SAMD12: variants seen among roughly 807,000 people sequenced by gnomAD.
SAMD12 encodes sterile alpha motif domain containing 12.
Under a neutral mutation model 15.0 loss-of-function variants are expected in SAMD12, and 9 were observed. That is an observed-to-expected ratio of 0.60 (90% CI 0.36 to 1.05). SAMD12 has a LOEUF of 1.05. Among genes scored for constraint, SAMD12 ranks in the 50% least tolerant of loss-of-function variants. SAMD12 has a pLI of 0.01. For missense variants in SAMD12, 230 were observed against 234.2 expected, an observed-to-expected ratio of 0.98 and a Z score of 0.12; for synonymous variants, 86 against 90.1, an observed-to-expected ratio of 0.96 and a Z score of 0.25.
At chr8:118,555,323 A>G (rs1464682673) in intron 2 of SAMD12, among the ~76,000 whole-genome samples, 1 of 152,006 alleles carries the variant, frequency 6.6e-6, no homozygotes, top group African/African-American at 2.4e-5. Flanking sequence ...CAACTAAAAC[A>G]CTCCTAGCCA....
chr8:118,401,162 C>T (rs1820849920), intron 3 of SAMD12, among the ~76,000 whole-genome samples: 1 of 152,150 alleles, frequency 6.6e-6, no homozygotes, highest in Non-Finnish European at 1.5e-5. Context: ...ACAAAGCATC[C>T]AGATCATTTC....
intron 1 of SAMD12, among the ~76,000 whole-genome samples, chr8:118,608,849 C>A (rs1398468856): frequency 6.6e-6 from 1 of 152,102 alleles, no homozygotes; most frequent in African/African-American, 2.4e-5. Flanking sequence ...TAAACAAAGA[C>A]AGGAGGGGTC....
chr8:118,542,130 A>T (rs7824995), intron 2 of SAMD12, among the ~76,000 whole-genome samples: 9,251 of 152,282 alleles, frequency 0.061, 337 homozygotes, highest in South Asian at 0.13. Flanking sequence ...GAATGAAAAA[A>T]CTATTAAGCC....
At chr8:118,407,191 G>A (rs1201127726) in intron 3 of SAMD12, among the ~76,000 whole-genome samples, 2 of 152,090 alleles carry the variant, frequency 1.3e-5, no homozygotes, top group Non-Finnish European at 2.9e-5. Context: ...ATTCAAGAAT[G>A]GGACTGATGG....
At chr8:118,520,526 G>T (rs757025750) in intron 2 of SAMD12, among the ~76,000 whole-genome samples, 12 of 152,178 alleles carry the variant, frequency 7.9e-5, no homozygotes, top group Non-Finnish European at 1.6e-4. Flanking sequence ...TATAGATGCT[G>T]ATACATTTCA....
chr8:118,289,034 C>G (rs1385228176), intron 4 of SAMD12, among the ~76,000 whole-genome samples: 1 of 152,196 alleles, frequency 6.6e-6, no homozygotes, highest in Non-Finnish European at 1.5e-5. Flanking sequence ...AATATATTAG[C>G]AAATCCTGGT....
In SAMD12 at chr8:118,379,396, A is replaced by G. The variant is rs1307790140; in HGVS notation, c.*21T>C. On this transcript the variant is annotated 3_prime_UTR_variant, in exon 4 of 4. Transcript: ENST00000314727. ...CTTCTCCCTAGTGAGCTATGAAAAA[A>G]GTTTTCAAAGGGAAGTAATCTTAAA... 3.1e-6 allele frequency: 5 copies of G among 1,607,442 alleles called. No individual in the cohort carries two copies. Among genetic ancestry groups the G allele is most frequent in the Non-Finnish European group, 4.2e-6 (5 of 1,176,634 alleles).
At chr8:118,308,638 C>T (rs73321948) in intron 4 of SAMD12, among the ~76,000 whole-genome samples, 9,015 of 151,994 alleles carry the variant, frequency 0.059, 804 homozygotes, top group African/African-American at 0.19. Flanking sequence ...GTCGAAAAGT[C>T]GATGTTACTT....
chr8:118,398,705 AAGAG>A (rs1270359506), intron 3 of SAMD12, among the ~76,000 whole-genome samples: 3 of 152,146 alleles, frequency 2.0e-5, no homozygotes, highest in Non-Finnish European at 4.4e-5. Context: ...AAAGGTTGTG[AAGAG>A]AGAGTTGGAT....
chr8:118,562,842 A>G (rs1826745973), intron 2 of SAMD12, among the ~76,000 whole-genome samples: 1 of 152,186 alleles, frequency 6.6e-6, no homozygotes, highest in Admixed American at 6.5e-5. Context: ...TAAATGGAGT[A>G]CATTCAAGTA....
At chr8:118,188,108 G>A (rs1488955239), downstream of SAMD12, among the ~76,000 whole-genome samples, 1 of 151,868 alleles carries the variant, frequency 6.6e-6, no homozygotes, top group Admixed American at 6.6e-5. Context: ...GGGCAAAGGA[G>A]ATGAGATAGA....
At chr8:118,559,018 G>A (rs1826630313) in intron 2 of SAMD12, among the ~76,000 whole-genome samples, 1 of 151,988 alleles carries the variant, frequency 6.6e-6, no homozygotes, top group African/African-American at 2.4e-5. Context: ...CCAATTCAGG[G>A]GGAGAAAAAA....
intron 2 of SAMD12, among the ~76,000 whole-genome samples, chr8:118,467,661 G>A (rs1823634908): frequency 6.6e-6 from 1 of 152,126 alleles, no homozygotes; most frequent in African/African-American, 2.4e-5. Context: ...AAAGCCTTGG[G>A]CTTGGCACCT....
At chr8:118,155,776 T>C in the SAMD12 span, among the ~76,000 whole-genome samples, 1 of 152,202 alleles carries the variant, frequency 6.6e-6, no homozygotes, top group Non-Finnish European at 1.5e-5. Flanking sequence ...GGATGAATAA[T>C]TAAAAGGAAA....
At chr8:118,255,499 C>T (rs1158416282) in intron 4 of SAMD12, among the ~76,000 whole-genome samples, 1 of 96,892 alleles carries the variant, frequency 1.0e-5, no homozygotes, top group Admixed American at 1.4e-4. Context: ...TGCTATCCCT[C>T]CCCCCTCCCC....
chr8:118,418,867 T>C (rs1467388767), intron 3 of SAMD12, among the ~76,000 whole-genome samples: 1 of 152,204 alleles, frequency 6.6e-6, no homozygotes, highest in Non-Finnish European at 1.5e-5. Flanking sequence ...GTTTTTCCAT[T>C]GTTTCTAGTC....
intron 3 of SAMD12, among the ~76,000 whole-genome samples, chr8:118,422,010 G>T (rs542708392): frequency 6.6e-6 from 1 of 152,354 alleles, no homozygotes; most frequent in South Asian, 2.1e-4. Flanking sequence ...TCAATGGAAT[G>T]TAAGTGTAAG....
intron 3 of SAMD12, among the ~76,000 whole-genome samples, chr8:118,401,884 C>G (rs952372080): frequency 6.6e-6 from 1 of 152,144 alleles, no homozygotes; most frequent in African/African-American, 2.4e-5. Flanking sequence ...AGAATGTCTT[C>G]TCATAACTTA....
chr8:118,487,491 G>A (rs1022212119), intron 2 of SAMD12, among the ~76,000 whole-genome samples: 12 of 152,192 alleles, frequency 7.9e-5, no homozygotes, highest in Admixed American at 5.9e-4. Flanking sequence ...CTACTTAGGT[G>A]AGAGTGTCCA....
Sources: allele counts gnomAD v4.1 joint callset (sites outside exome capture counted in the v4.1 genomes callset), GRCh38; gene constraint gnomAD v4.1.1; transcripts MANE v1.5; gene names NCBI Gene and HGNC (gene_info 2026-07-23, HGNC 2026-07-21).